ZNF385B: variants seen among roughly 807,000 people sequenced by gnomAD.
The protein encoded by ZNF385B is zinc finger protein 533.
ZNF385B carries 23 observed loss-of-function variants against 39.2 expected under a neutral mutation model. The ratio of observed to expected loss-of-function variants is 0.59; its 90% confidence interval spans 0.42 to 0.83. The LOEUF (loss-of-function observed/expected upper bound fraction) is 0.83, where lower values mean the gene tolerates loss of function less well. Ranked by LOEUF, ZNF385B falls within the 40% of genes least tolerant of loss-of-function variation. The probability of loss-of-function intolerance (pLI) is 0.00; values close to 1 mark genes in which losing one functional copy is unlikely to be tolerated. For missense variants in ZNF385B, 552 were observed against 598.9 expected (o/e 0.92, Z 0.82); for synonymous variants, 205 against 222.6 (o/e 0.92, Z 0.70).
intron 3 of ZNF385B, among the ~76,000 whole-genome samples, chr2:179,694,469 A>G (rs190256245): frequency 3.3e-5 from 5 of 152,260 alleles, no homozygotes; most frequent in African/African-American, 1.2e-4. Flanking sequence ...TACTTAAGAG[A>G]AAATACAAAA....
At chr2:179,808,161 C>T (rs1198081139) in intron 1 of ZNF385B, among the ~76,000 whole-genome samples, 5 of 151,764 alleles carry the variant, frequency 3.3e-5, no homozygotes, top group South Asian at 2.1e-4. Context: ...GCCTCCCCAG[C>T]AGCTGGGACT....
chr2:179,765,358 G>C (rs1323527599), intron 3 of ZNF385B, among the ~76,000 whole-genome samples: 1 of 152,174 alleles, frequency 6.6e-6, no homozygotes, highest in Non-Finnish European at 1.5e-5. Flanking sequence ...ATTTCAGGCA[G>C]TATGGAGTGA....
At chr2:179,512,254 T>G (rs1264691067) in intron 5 of ZNF385B, among the ~76,000 whole-genome samples, 1 of 152,150 alleles carries the variant, frequency 6.6e-6, no homozygotes, top group Non-Finnish European at 1.5e-5. Context: ...ATAATAATAA[T>G]AATATAATCT....
At chr2:179,804,332 C>T (rs1026537437) in intron 1 of ZNF385B, among the ~76,000 whole-genome samples, 1 of 152,196 alleles carries the variant, frequency 6.6e-6, no homozygotes, top group Non-Finnish European at 1.5e-5. Flanking sequence ...GCTTCTAAGA[C>T]ATCTGGACCA....
chr2:179,807,978 T>C (rs1459051277), intron 1 of ZNF385B, among the ~76,000 whole-genome samples: 1 of 151,986 alleles, frequency 6.6e-6, no homozygotes, highest in Non-Finnish European at 1.5e-5. Flanking sequence ...ACCATTTATA[T>C]AAAGTTAAAC....
At chr2:179,721,664 T>A (rs1224827483) in intron 3 of ZNF385B, among the ~76,000 whole-genome samples, 1 of 151,842 alleles carries the variant, frequency 6.6e-6, no homozygotes, top group Non-Finnish European at 1.5e-5. Context: ...AAGTATTTAA[T>A]AAAATGCAAT....
chr2:179,832,097 C>T (rs1320587853), intron 1 of ZNF385B, among the ~76,000 whole-genome samples: 1 of 152,176 alleles, frequency 6.6e-6, no homozygotes, highest in African/African-American at 2.4e-5. Context: ...GTAGCAAGCA[C>T]AGCAGTCAGA....
chr2:179,741,523 C>T (rs1342196086), intron 3 of ZNF385B, among the ~76,000 whole-genome samples: 3 of 152,064 alleles, frequency 2.0e-5, no homozygotes, highest in Admixed American at 6.6e-5. Context: ...TGCCCAATAT[C>T]TAAGAGTAAC....
chr2:179,449,395 C>T (rs1164939903), intron 6 of ZNF385B, among the ~76,000 whole-genome samples: 6 of 152,162 alleles, frequency 3.9e-5, no homozygotes, highest in Non-Finnish European at 7.4e-5. Flanking sequence ...TAGGTAACTT[C>T]AGCAAAGTCT....
intron 3 of ZNF385B, among the ~76,000 whole-genome samples, chr2:179,564,135 C>A (rs1684271333): frequency 6.6e-6 from 1 of 152,130 alleles, no homozygotes; most frequent in Admixed American, 6.6e-5. Context: ...CACTCCAGAT[C>A]TACAGAATCA....
At chr2:179,836,795 G>T (rs1415873918) in intron 1 of ZNF385B, among the ~76,000 whole-genome samples, 1 of 152,076 alleles carries the variant, frequency 6.6e-6, no homozygotes, top group Non-Finnish European at 1.5e-5. Flanking sequence ...TGGGATTACA[G>T]GCGTGAGCCA....
intron 5 of ZNF385B, among the ~76,000 whole-genome samples, chr2:179,493,747 G>GTGTATATGTATATATGTATACATATA (rs71029813): frequency 2.0e-5 from 2 of 98,168 alleles, no homozygotes; most frequent in South Asian, 3.2e-4. Flanking sequence ...GTATACATAT[G>GTGTATATGTATATATGTATACATATA]TGTATATACA....
At chr2:179,618,473 G>A (rs1333628884) in intron 3 of ZNF385B, among the ~76,000 whole-genome samples, 1 of 152,146 alleles carries the variant, frequency 6.6e-6, no homozygotes. Flanking sequence ...AACTTTGACT[G>A]CTACAAATAA....
At chr2:179,823,727 C>T (rs1707528553) in intron 1 of ZNF385B, among the ~76,000 whole-genome samples, 1 of 152,098 alleles carries the variant, frequency 6.6e-6, no homozygotes, top group South Asian at 2.1e-4. Context: ...TTATATTTTA[C>T]TGTTCATTCT....
At chr2:179,501,469 AG>A (rs2056753915) in intron 5 of ZNF385B, among the ~76,000 whole-genome samples, 1 of 152,176 alleles carries the variant, frequency 6.6e-6, no homozygotes, top group African/African-American at 2.4e-5. Context: ...AAGTAAAATA[AG>A]GCAGCCACAG....
chr2:179,450,066 T>G (rs200006785), intron 6 of ZNF385B, among the ~76,000 whole-genome samples: 17,705 of 151,590 alleles, frequency 0.12, 1,192 homozygotes, highest in East Asian at 0.34. Flanking sequence ...AAGCTGAAAC[T>G]GGATCCCTTC....
intron 3 of ZNF385B, among the ~76,000 whole-genome samples, chr2:179,582,889 G>A (rs866963216): frequency 5.9e-5 from 9 of 152,200 alleles, no homozygotes; most frequent in South Asian, 4.2e-4. Flanking sequence ...CGCTGTTATT[G>A]CCCAGGCTGG....
At chr2:179,654,082 A>T (rs148427743) in intron 3 of ZNF385B, among the ~76,000 whole-genome samples, 1 of 152,298 alleles carries the variant, frequency 6.6e-6, no homozygotes, top group African/African-American at 2.4e-5. Flanking sequence ...AACAGAATCA[A>T]CGGATGGATT....
intron 1 of ZNF385B, among the ~76,000 whole-genome samples, chr2:179,817,382 T>C (rs1021742489): frequency 6.6e-6 from 1 of 152,226 alleles, no homozygotes; most frequent in Non-Finnish European, 1.5e-5. Context: ...TATCTACTTA[T>C]GTAATCTCTC....
Sources: gnomAD v4.1 joint callset for allele counts (sites outside exome capture counted in the v4.1 genomes callset) on GRCh38, gnomAD v4.1.1 for gene constraint, MANE v1.5 for transcripts, NCBI Gene and HGNC (gene_info 2026-07-23, HGNC 2026-07-21) for gene names.